The following ORC4 variants were observed in gnomAD, a reference collection of about 807,000 sequenced individuals.
ORC4 encodes origin recognition complex subunit 4.
In ORC4, 55 loss-of-function variants were observed where a neutral mutation model predicts 63.9. That is an observed-to-expected ratio of 0.86 (90% CI 0.69 to 1.08). ORC4 has a LOEUF of 1.08. Ranked by LOEUF, ORC4 falls within the 50% of genes least tolerant of loss-of-function variation. ORC4 has a pLI of 0.00. For missense variants in ORC4, 511 were observed against 504.4 expected, an observed-to-expected ratio of 1.01 and a Z score of -0.13; for synonymous variants, 150 against 168.5, an observed-to-expected ratio of 0.89 and a Z score of 0.85.
chr2:147,995,142 T>C (rs1017963571), intron 1 of ORC4, among the ~76,000 whole-genome samples: 7 of 150,802 alleles, frequency 4.6e-5, no homozygotes, highest in Admixed American at 3.9e-4. Context: ...ATCAGCACTC[T>C]GTAAAAATGC....
At chr2:148,017,091 C>T (rs1314631600) in intron 1 of ORC4, among the ~76,000 whole-genome samples, 5 of 152,088 alleles carry the variant, frequency 3.3e-5, no homozygotes, top group Non-Finnish European at 5.9e-5. Context: ...AAGTCAGAGA[C>T]GCAGGAAGAA....
intron 1 of ORC4, among the ~76,000 whole-genome samples, chr2:148,011,160 C>T (rs183373340): frequency 1.3e-3 from 196 of 151,964 alleles, no homozygotes; most frequent in Non-Finnish European, 1.7e-3. Flanking sequence ...AACCAGACAA[C>T]GATACAACAA....
At chr2:148,013,902 G>C (rs1049882530) in intron 1 of ORC4, among the ~76,000 whole-genome samples, 7 of 152,260 alleles carry the variant, frequency 4.6e-5, no homozygotes, top group Middle Eastern at 6.8e-3. Context: ...AAAGTAATGT[G>C]AAATTACTTA....
In ORC4 at chr2:147,976,670, C is replaced by G. The variant is rs1246874682; in HGVS notation, c.-17-695G>C. Among the ~76,000 whole-genome samples the G allele has an allele frequency of 1.3e-5, 2 of 152,076 alleles. 1 individual carries two copies. Among genetic ancestry groups the G allele is most frequent in the Non-Finnish European group, 2.9e-5 (2 of 68,006 alleles). ...ACCTTCCCTTTCTTGCTCCACTCAC[C>G]AACAATACACAAATAATCATTACAG... On this transcript the variant is annotated intron_variant, in intron 1 of 13. Coordinates refer to ENST00000392857, the MANE Select transcript of ORC4 (RefSeq NM_181741.4).
intron 1 of ORC4, among the ~76,000 whole-genome samples, chr2:147,986,493 A>C (rs2105383816): frequency 6.6e-6 from 1 of 152,284 alleles, no homozygotes; most frequent in African/African-American, 2.4e-5. Flanking sequence ...AAAAGAATTC[A>C]CTGGGACTCA....
intron 1 of ORC4, among the ~76,000 whole-genome samples, chr2:148,001,872 T>C (rs1402017089): frequency 6.6e-6 from 1 of 151,972 alleles, no homozygotes; most frequent in East Asian, 1.9e-4. Flanking sequence ...CCCACCTCAC[T>C]TGCAAAGACA....
Position 147,931,979 on chromosome 2 carries a change from A to G in ORC4, c.*3531T>C, listed in dbSNP as rs1282143165. 1.3e-5 allele frequency: 2 copies of G among 152,066 alleles called. No homozygotes were observed. The highest frequency in any genetic ancestry group is 2.9e-5 in the Non-Finnish European group (2 of 68,016). 9.4% of individuals were successfully genotyped at this position (152,066 alleles called of 1,614,324 possible). On this transcript the variant is annotated 3_prime_UTR_variant, in exon 14 of 14. Transcript: ENST00000392857. The stretch of plus-strand genomic sequence containing the variant: ...CAGGGCAATTAGGCAGGAGAAGGAA[A>G]TAAAGGGTATTCAATTAGGAAAAGA...
intron 1 of ORC4, among the ~76,000 whole-genome samples, chr2:148,010,979 C>T (rs1692932516): frequency 6.6e-6 from 1 of 151,554 alleles, no homozygotes; most frequent in East Asian, 1.9e-4. Flanking sequence ...CAGGCATAAG[C>T]CACCATGCCC....
At position 147,935,480 on chromosome 2, in the gene ORC4, A is replaced by G. The variant is rs1687997729; in HGVS notation, c.*30T>C. 1 of 1,555,938 alleles carries G rather than the reference A, an allele frequency of 6.4e-7. No homozygotes were observed. The highest frequency in any genetic ancestry group is 8.9e-7 in the Non-Finnish European group (1 of 1,127,324). On this transcript the variant is annotated 3_prime_UTR_variant, in exon 14 of 14. Coordinates refer to ENST00000392857, the MANE Select transcript of ORC4 (RefSeq NM_181741.4). ...TCCGTTCTCTACAGAAGTATGAATG[A>G]AATGCCAAAGTTGAAGTCACTGGTT...
chr2:147,952,150 T>G (rs1456754392), intron 8 of ORC4, among the ~76,000 whole-genome samples: 2 of 152,220 alleles, frequency 1.3e-5, no homozygotes, highest in Non-Finnish European at 2.9e-5. Flanking sequence ...TACTTTTTTC[T>G]TCAGTAATTT....
intron 7 of ORC4, among the ~76,000 whole-genome samples, chr2:147,953,095 C>T (rs887775268): frequency 5.3e-5 from 8 of 150,494 alleles, no homozygotes; most frequent in African/African-American, 1.5e-4. Context: ...TTTGGGAGGC[C>T]GAGGTAGGTG....
At chr2:148,007,285 A>C (rs1692691430) in intron 1 of ORC4, among the ~76,000 whole-genome samples, 1 of 152,236 alleles carries the variant, frequency 6.6e-6, no homozygotes, top group Admixed American at 6.5e-5. Context: ...GGAGCAATAA[A>C]GATACGTGAC....
At chr2:148,019,208 C>A (rs147310066) in intron 1 of ORC4, among the ~76,000 whole-genome samples, 1 of 152,156 alleles carries the variant, frequency 6.6e-6, no homozygotes, top group African/African-American at 2.4e-5. Flanking sequence ...AAGGGCTAAG[C>A]AATGATGCAT....
chr2:147,934,857 TTCCAG>T lies in ORC4; in HGVS notation c.*648_*652del. The T allele has an allele frequency of 6.6e-6, 1 of 152,196 alleles. No homozygotes were observed. The highest frequency in any genetic ancestry group is 1.5e-5 in the Non-Finnish European group (1 of 68,070). 9.4% of individuals were successfully genotyped at this position (152,196 alleles called of 1,614,324 possible). On this transcript the variant is annotated 3_prime_UTR_variant, in exon 14 of 14. Coordinates refer to ENST00000392857, the MANE Select transcript of ORC4 (RefSeq NM_181741.4). Reference sequence around the variant, plus strand: ...TGACTATACTTGTTAAGAAGGAAAATTCCAGTCCTTTTGACCTATGGTAGGCTCAA... The same window carrying T: ...TGACTATACTTGTTAAGAAGGAAAATTCCTTTTGACCTATGGTAGGCTCAA...
intron 1 of ORC4, among the ~76,000 whole-genome samples, chr2:147,988,085 G>C (rs1468477602): frequency 6.6e-6 from 1 of 150,734 alleles, no homozygotes; most frequent in Non-Finnish European, 1.5e-5. Context: ...ATTGTAATAT[G>C]TTTACCTATA....
rs371727511 is a variant in ORC4 at position 147,955,329 on chromosome 2, G to T, written c.436+18C>A. 5 of 1,557,434 alleles carry T rather than the reference G, an allele frequency of 3.2e-6. No individual in the cohort carries two copies. The South Asian group carries it at 5.6e-5, about 18-fold the overall frequency. Reference sequence around the variant, plus strand: ...TTAAAACAGATCTTCTGAAACGGCTGAATATGTTAATATTTACCTTTTTTT... The same window carrying T: ...TTAAAACAGATCTTCTGAAACGGCTTAATATGTTAATATTTACCTTTTTTT... On this transcript the variant is annotated intron_variant, in intron 7 of 13. Transcript: ENST00000392857.
intron 8 of ORC4, among the ~76,000 whole-genome samples, chr2:147,949,192 AAAC>A (rs1374996134): frequency 6.6e-6 from 1 of 151,944 alleles, no homozygotes; most frequent in African/African-American, 2.4e-5. Context: ...TAAGAAATAT[AAAC>A]AACCCAAATG....
chr2:147,971,063 A>G (rs1435894470), intron 4 of ORC4, among the ~76,000 whole-genome samples: 1 of 152,028 alleles, frequency 6.6e-6, no homozygotes, highest in African/African-American at 2.4e-5. Context: ...CTTGAGCACA[A>G]GAGGCCAAGG....
chr2:148,015,115 A>G (rs1387800393), intron 1 of ORC4, among the ~76,000 whole-genome samples: 1 of 147,888 alleles, frequency 6.8e-6, no homozygotes. Flanking sequence ...GACTAGGAGA[A>G]AAAAAAAAAA....
Sources: gnomAD v4.1 joint callset for allele counts (sites outside exome capture counted in the v4.1 genomes callset) on GRCh38, gnomAD v4.1.1 for gene constraint, MANE v1.5 for transcripts, NCBI Gene and HGNC (gene_info 2026-07-23, HGNC 2026-07-21) for gene names.